Variants in MSRB3 observed in about 807,000 individuals in gnomAD.
The protein encoded by MSRB3 is methionine sulfoxide reductase B3.
In MSRB3, 13 loss-of-function variants were observed where a neutral mutation model predicts 21.0. The observed-to-expected ratio is 0.62, with a 90% confidence interval of 0.40 to 0.98. The LOEUF is 0.98. MSRB3 is among the 50% of genes least tolerant of loss of function. MSRB3 has a pLI of 0.00. For missense variants in MSRB3, 199 were observed against 230.3 expected, an observed-to-expected ratio of 0.86 and a Z score of 0.88; for synonymous variants, 87 against 88.6, an observed-to-expected ratio of 0.98 and a Z score of 0.10.
intron 5 of MSRB3, among the ~76,000 whole-genome samples, chr12:65,394,233 A>T (rs889116079): frequency 6.6e-6 from 1 of 152,180 alleles, no homozygotes; most frequent in African/African-American, 2.4e-5. Context: ...GATATTTTAG[A>T]ACTTCAAGCA....
At chr12:65,318,189 C>T (rs1160464805) in intron 2 of MSRB3, among the ~76,000 whole-genome samples, 1 of 151,702 alleles carries the variant, frequency 6.6e-6, no homozygotes, top group Admixed American at 6.6e-5. Context: ...GTTTTCTATG[C>T]CTTTTGCTTA....
chr12:65,404,572 A>G (rs2136610739), intron 5 of MSRB3, among the ~76,000 whole-genome samples: 1 of 152,302 alleles, frequency 6.6e-6, no homozygotes, highest in South Asian at 2.1e-4. Flanking sequence ...TTTCTGATTT[A>G]TATCATTTTC....
At chr12:65,416,496 T>C (rs1880982881) in intron 5 of MSRB3, among the ~76,000 whole-genome samples, 1 of 152,184 alleles carries the variant, frequency 6.6e-6, no homozygotes, top group South Asian at 2.1e-4. Context: ...GGAGAGCATA[T>C]ACAAACCTAG....
chr12:65,447,490 G>A (rs1192522261), intron 5 of MSRB3, among the ~76,000 whole-genome samples: 1 of 152,136 alleles, frequency 6.6e-6, no homozygotes, highest in Admixed American at 6.5e-5. Flanking sequence ...TACCAAGAAA[G>A]CCAGAGGTAA....
chr12:65,298,251 G>T (rs964711342), intron 1 of MSRB3, among the ~76,000 whole-genome samples: 4 of 152,128 alleles, frequency 2.6e-5, no homozygotes, highest in African/African-American at 9.7e-5. Flanking sequence ...CGATCCTCCT[G>T]CCTTGGCCTA....
At chr12:65,293,364 TG>T (rs1872766451) in intron 1 of MSRB3, among the ~76,000 whole-genome samples, 1 of 152,192 alleles carries the variant, frequency 6.6e-6, no homozygotes, top group East Asian at 1.9e-4. Flanking sequence ...CCTTTCTTTT[TG>T]GGACGAAGTT....
intron 4 of MSRB3, among the ~76,000 whole-genome samples, chr12:65,354,955 T>G (rs1348067161): frequency 6.6e-6 from 1 of 151,442 alleles, no homozygotes; most frequent in Non-Finnish European, 1.5e-5. Flanking sequence ...AAAGTAGGAG[T>G]GGTAAAGCTA....
chr12:65,326,165 T>C (rs1420997664), intron 2 of MSRB3, among the ~76,000 whole-genome samples: 2 of 152,222 alleles, frequency 1.3e-5, no homozygotes, highest in African/African-American at 4.8e-5. Flanking sequence ...CCTTCTCCTG[T>C]AGTTTATTGA....
At chr12:65,407,958 C>CTT (rs910354454) in intron 5 of MSRB3, among the ~76,000 whole-genome samples, 2 of 142,994 alleles carry the variant, frequency 1.4e-5, no homozygotes, top group African/African-American at 5.1e-5. Context: ...TGCAACGTTG[C>CTT]TTTTTTTTTT....
intron 1 of MSRB3, among the ~76,000 whole-genome samples, chr12:65,289,365 G>A (rs1163926805): frequency 2.6e-5 from 4 of 152,072 alleles, no homozygotes; most frequent in African/African-American, 7.2e-5. Context: ...ATGGTGGCAC[G>A]TGCCTGTAGT....
In MSRB3 at chr12:65,393,524, G is replaced by A. The variant is rs555407858; in HGVS notation, c.292+24498G>A. Among the ~76,000 whole-genome samples the A allele has an allele frequency of 9.9e-5, 15 of 151,564 alleles. No homozygotes were observed. In the South Asian group the frequency reaches 1.5e-3, roughly 15 times the overall value. On this transcript the variant is annotated intron_variant, in intron 5 of 6. Transcript: ENST00000308259. ...GGTGGGCGCCTGTAATCCCAGCTAC[G>A]GGAGGCTGAGGCACGAGAATGGCGT...
chr12:65,386,776 C>T (rs1357010720), intron 5 of MSRB3, among the ~76,000 whole-genome samples: 2 of 151,832 alleles, frequency 1.3e-5, no homozygotes, highest in Admixed American at 1.3e-4. Flanking sequence ...AATCAGAATA[C>T]ACATTGCATC....
intron 4 of MSRB3, among the ~76,000 whole-genome samples, chr12:65,354,648 C>A (rs150108270): frequency 6.6e-6 from 1 of 151,436 alleles, no homozygotes; most frequent in African/African-American, 2.4e-5. Context: ...TAAGAAAGAT[C>A]TTTAAGTTTA....
chr12:65,432,870 C>A (rs1881949561), intron 5 of MSRB3, among the ~76,000 whole-genome samples: 1 of 151,876 alleles, frequency 6.6e-6, no homozygotes, highest in Admixed American at 6.6e-5. Flanking sequence ...ACCTCTAATC[C>A]TTTTATGAGT....
chr12:65,346,545 C>G (rs898351774), intron 4 of MSRB3, among the ~76,000 whole-genome samples: 1 of 152,212 alleles, frequency 6.6e-6, no homozygotes, highest in African/African-American at 2.4e-5. Flanking sequence ...TGACTGTTCA[C>G]TCTGATGGTA....
At chr12:65,313,159 A>G (rs1874084882) in intron 2 of MSRB3, among the ~76,000 whole-genome samples, 1 of 152,148 alleles carries the variant, frequency 6.6e-6, no homozygotes, top group Non-Finnish European at 1.5e-5. Flanking sequence ...TATACTTAGC[A>G]TAAGACTTAA....
intron 5 of MSRB3, among the ~76,000 whole-genome samples, chr12:65,374,239 T>C (rs1878476688): frequency 6.6e-6 from 1 of 152,304 alleles, no homozygotes; most frequent in South Asian, 2.1e-4. Context: ...AATATTTATA[T>C]AAGAATATTG....
At chr12:65,325,288 C>T (rs1021205830) in intron 2 of MSRB3, among the ~76,000 whole-genome samples, 1 of 152,176 alleles carries the variant, frequency 6.6e-6, no homozygotes, top group East Asian at 1.9e-4. Flanking sequence ...TAGGATAAGA[C>T]GGGGTCCAGT....
intron 4 of MSRB3, among the ~76,000 whole-genome samples, chr12:65,359,928 C>T (rs1370077265): frequency 6.6e-6 from 1 of 152,032 alleles, no homozygotes; most frequent in Non-Finnish European, 1.5e-5. Flanking sequence ...AAGTATCACA[C>T]ACTGGGAGAC....
Sources: gnomAD v4.1 joint callset for allele counts (sites outside exome capture counted in the v4.1 genomes callset) on GRCh38, gnomAD v4.1.1 for gene constraint, MANE v1.5 for transcripts, NCBI Gene and HGNC (gene_info 2026-07-23, HGNC 2026-07-21) for gene names.